PLEKHG7: variants seen among roughly 807,000 people sequenced by gnomAD.
PLEKHG7 encodes pleckstrin homology and RhoGEF domain containing G7.
In PLEKHG7, 77 loss-of-function variants were observed where a neutral mutation model predicts 85.2. The observed-to-expected ratio is 0.90, with a 90% CI of 0.75 to 1.09. The LOEUF is 1.09. Among genes scored for constraint, PLEKHG7 ranks in the 50% least tolerant of loss-of-function variants. The probability of loss-of-function intolerance (pLI) is 0.00; values close to 1 mark genes in which losing one functional copy is unlikely to be tolerated. For synonymous variants in PLEKHG7, 301 were observed against 302.4 expected (o/e 1.00, Z 0.05); for missense variants, 777 against 804.3 (o/e 0.97, Z 0.41).
chr12:92,740,961 G>T lies in PLEKHG7; in HGVS notation c.1035+13G>T. 1 of 1,561,876 alleles carries T rather than the reference G, an allele frequency of 6.4e-7. No homozygotes were observed. The stretch of plus-strand genomic sequence containing the variant: ...GGAGTTAACTCAGGTGAGCCAAGTA[G>T]GAAGATTCATGTTTTAACATTCACT... On this transcript the variant is annotated intron_variant, in intron 8 of 16. Coordinates refer to ENST00000344636, the MANE Select transcript of PLEKHG7 (RefSeq NM_001377329.1).
chr12:92,761,635 A>AAAG lies in PLEKHG7; in HGVS notation c.1637-114_1637-112dup, dbSNP rs1555196570. 1.8e-4 allele frequency: 54 copies of AAAG among 293,072 alleles called. No individual in the cohort carries two copies. In the African/African-American group the frequency reaches 2.4e-3, roughly 13 times the overall value. The allele number at this position is 293,072 out of a possible 1,614,324, so 18.2% of individuals were successfully genotyped here. ...AGAAAGAAAGAAAGAAGAAAGAAAG[A>AAAG]AAGAAAGAAAGAAAGAAAGAAAGAA... On this transcript the variant is annotated intron_variant, in intron 13 of 16. Transcript: ENST00000344636.
rs1031801603 is a variant in PLEKHG7 at position 92,729,000 on chromosome 12, G to A, written c.538G>A (p.Glu180Lys). Residue 180 changes from glutamate (E) to lysine (K), a missense_variant, in exon 4 of 17, where the codon GAG becomes AAG. Transcript: ENST00000344636. Reference protein sequence around the residue: ...GEELHPSRFYEHRRSSVVLNL... With the variant: ...GEELHPSRFYKHRRSSVVLNL... The stretch of plus-strand genomic sequence containing the variant: ...TTTATCTCTTGAGCACAGGTTCTAC[G>A]AGCACAGGCGGAGTTCTGTGGTGCT... 5.8e-5 allele frequency: 72 copies of A among 1,231,498 alleles called. No individual in the cohort carries two copies. The Middle Eastern group carries it at 1.2e-3, about 21-fold the overall frequency. 76.3% of individuals were successfully genotyped at this position (1,231,498 alleles called of 1,614,324 possible).
rs140933486 is a variant in PLEKHG7, at chr12:92,722,911, A to G, written c.531-6082A>G. On this transcript the variant is annotated intron_variant, in intron 3 of 16. Coordinates refer to ENST00000344636, the MANE Select transcript of PLEKHG7 (RefSeq NM_001377329.1). The stretch of plus-strand genomic sequence containing the variant: ...CGGTGATATATAAGATCCAGTATGA[A>G]TCTTCAACGTGTTTATTATAAAGAG... Among the ~76,000 whole-genome samples the G allele has an allele frequency of 8.8e-4, 134 of 152,302 alleles. 3 individuals carry two copies. The East Asian group carries it at 0.02, about 23-fold the overall frequency.
chr12:92,725,393 A>G (rs768282587), intron 3 of PLEKHG7, among the ~76,000 whole-genome samples: 5 of 152,146 alleles, frequency 3.3e-5, no homozygotes, highest in Non-Finnish European at 5.9e-5. Context: ...CAGGGAGGGA[A>G]GGTTCAGACT....
At chr12:92,743,182 G>T (rs1640950348) in intron 9 of PLEKHG7, among the ~76,000 whole-genome samples, 1 of 152,154 alleles carries the variant, frequency 6.6e-6, no homozygotes, top group Non-Finnish European at 1.5e-5. Flanking sequence ...CTCTGCTGAT[G>T]AAATGGCCAC....
intron 3 of PLEKHG7, among the ~76,000 whole-genome samples, chr12:92,716,243 T>G (rs2098095976): frequency 1.3e-5 from 2 of 152,048 alleles, no homozygotes; most frequent in Admixed American, 1.3e-4. Context: ...ATTACAGGTG[T>G]GCACCACCAC....
chr12:92,713,876 G>A (rs1000146403), intron 3 of PLEKHG7, among the ~76,000 whole-genome samples: 17 of 152,218 alleles, frequency 1.1e-4, no homozygotes, highest in African/African-American at 4.1e-4. Context: ...AACTCCCCAA[G>A]CTGAGACATT....
At chr12:92,765,273 G>A (rs1873158750) in intron 15 of PLEKHG7, among the ~76,000 whole-genome samples, 2 of 151,064 alleles carry the variant, frequency 1.3e-5, no homozygotes. Flanking sequence ...GATTGCTTGA[G>A]GCCAGGAGTT....
At chr12:92,735,460 T>C (rs1297821921) in intron 5 of PLEKHG7, among the ~76,000 whole-genome samples, 1 of 152,188 alleles carries the variant, frequency 6.6e-6, no homozygotes, top group Non-Finnish European at 1.5e-5. Flanking sequence ...CTCTTGCTCC[T>C]GAAAAAAACA....
intron 6 of PLEKHG7, 140 bp downstream of exon 6, chr12:92,736,717 G>T: frequency 4.5e-6 from 2 of 442,020 alleles, no homozygotes; most frequent in African/African-American, 2.0e-5. Context: ...GAGGAACCCA[G>T]GACTGAGCAG....
intron 3 of PLEKHG7, among the ~76,000 whole-genome samples, chr12:92,710,314 C>T (rs1480173739): frequency 6.6e-6 from 1 of 152,170 alleles, no homozygotes; most frequent in Non-Finnish European, 1.5e-5. Context: ...CTTCAAAAGG[C>T]CATTCCACCA....
At chr12:92,756,437 G>A (rs1460575083) in intron 13 of PLEKHG7, 46 bp downstream of exon 13, 1 of 1,446,692 alleles carries the variant, frequency 6.9e-7, no homozygotes, top group East Asian at 2.3e-5. Context: ...GTGCCGCCTT[G>A]TAACTTGTTT....
intron 15 of PLEKHG7, among the ~76,000 whole-genome samples, chr12:92,768,512 T>G (rs1402759353): frequency 6.6e-6 from 1 of 152,244 alleles, no homozygotes; most frequent in Non-Finnish European, 1.5e-5. Flanking sequence ...TTTGTATTTT[T>G]GCCACATCTT....
At chr12:92,732,305 A>G in intron 5 of PLEKHG7, 32 bp downstream of exon 5, 1 of 1,201,674 alleles carries the variant, frequency 8.3e-7, no homozygotes, top group Non-Finnish European at 1.0e-6. Context: ...TTTTGTTTTA[A>G]TTAAGCTTCC....
chr12:92,711,696 AC>A (rs1041081292), intron 3 of PLEKHG7, among the ~76,000 whole-genome samples: 1 of 152,090 alleles, frequency 6.6e-6, no homozygotes, highest in African/African-American at 2.4e-5. Flanking sequence ...GCTGTGATTC[AC>A]CTATAGGGGA....
At position 92,761,559 on chromosome 12, in the gene PLEKHG7, A is replaced by AGAAG. The variant is rs368776398; in HGVS notation, c.1637-173_1637-170dup. On this transcript the variant is annotated intron_variant, in intron 13 of 16. Transcript: ENST00000344636. ...TTAAAAAAAAGAGAGAAAGAAAGAAAGAAGGAAGGAAGGAAGGAAGGAAAG... is the reference window on the plus strand; with the variant it reads ...TTAAAAAAAAGAGAGAAAGAAAGAAAGAAGGAAGGAAGGAAGGAAGGAAGGAAAG... 6.2e-3 allele frequency among the ~76,000 whole-genome samples: 896 copies of AGAAG among 144,596 alleles called. 23 individuals are homozygous for AGAAG. Among genetic ancestry groups the AGAAG allele is most frequent in the African/African-American group, 0.02 (770 of 38,430 alleles). 94.9% of individuals were successfully genotyped at this position (144,596 alleles called of 152,430 possible). A position where few individuals can be genotyped will look rare whatever the true frequency, so the allele number is the denominator to read the frequency against.
At chr12:92,731,752 C>T (rs1250871849) in intron 4 of PLEKHG7, among the ~76,000 whole-genome samples, 1 of 152,140 alleles carries the variant, frequency 6.6e-6, no homozygotes, top group African/African-American at 2.4e-5. Flanking sequence ...TTCATTTAAC[C>T]ACATCTGGGG....
chr12:92,744,517 C>T (rs1247685842), intron 9 of PLEKHG7, among the ~76,000 whole-genome samples: 1 of 151,972 alleles, frequency 6.6e-6, no homozygotes, highest in Non-Finnish European at 1.5e-5. Context: ...TTTTAGGTGG[C>T]TTACAAATGT....
At chr12:92,719,038 G>T (rs868553120) in intron 3 of PLEKHG7, among the ~76,000 whole-genome samples, 34 of 152,274 alleles carry the variant, frequency 2.2e-4, no homozygotes, top group Middle Eastern at 3.4e-3. Context: ...TAAACTAGAA[G>T]CTCATCATCC....
Sources: gnomAD v4.1 joint callset for allele counts (sites outside exome capture counted in the v4.1 genomes callset) on GRCh38, gnomAD v4.1.1 for gene constraint, MANE v1.5 for transcripts, NCBI Gene and HGNC (gene_info 2026-07-23, HGNC 2026-07-21) for gene names.